The following DSCAM variants were observed in gnomAD, a reference collection of about 807,000 sequenced individuals.
DSCAM encodes DS cell adhesion molecule.
Under a neutral mutation model 217.7 loss-of-function variants are expected in DSCAM, and 47 were observed. The observed-to-expected ratio is 0.22, with a 90% CI of 0.17 to 0.28. DSCAM has a LOEUF of 0.28. DSCAM is among the 10% of genes least tolerant of loss of function. The pLI is 1.00. For synonymous variants in DSCAM, 1,056 were observed against 1,015.3 expected (o/e 1.04, Z -0.76); for missense variants, 2,080 against 2,618.3 (o/e 0.79, Z 4.49).
chr21:40,428,197 C>T (rs974004469), intron 3 of DSCAM, among the ~76,000 whole-genome samples: 2 of 151,362 alleles, frequency 1.3e-5, no homozygotes, highest in African/African-American at 2.4e-5. Context: ...CCAACAAAGG[C>T]GCTGGCCTCA....
chr21:40,661,011 T>C (rs2090133408), intron 3 of DSCAM, among the ~76,000 whole-genome samples: 1 of 152,162 alleles, frequency 6.6e-6, no homozygotes, highest in South Asian at 2.1e-4. Flanking sequence ...AAGGGCCTGT[T>C]TTGGACTCTG....
intron 3 of DSCAM, among the ~76,000 whole-genome samples, chr21:40,396,335 A>G (rs1355680429): frequency 6.6e-6 from 1 of 152,200 alleles, no homozygotes; most frequent in African/African-American, 2.4e-5. Context: ...CCAACTTCTG[A>G]GAAAATCCTA....
At chr21:40,296,714 C>T (rs573715884) in intron 9 of DSCAM, among the ~76,000 whole-genome samples, 4 of 151,516 alleles carry the variant, frequency 2.6e-5, no homozygotes, top group African/African-American at 4.9e-5. Flanking sequence ...GCCTGTAATC[C>T]TAGCTACTCA....
intron 3 of DSCAM, among the ~76,000 whole-genome samples, chr21:40,473,735 G>A (rs1235924644): frequency 6.6e-6 from 1 of 152,148 alleles, no homozygotes; most frequent in Non-Finnish European, 1.5e-5. Context: ...GTAAAGTGAG[G>A]TCATCAAGAT....
intron 1 of DSCAM, among the ~76,000 whole-genome samples, chr21:40,713,026 C>G (rs1214181636): frequency 6.6e-6 from 1 of 152,192 alleles, no homozygotes; most frequent in Non-Finnish European, 1.5e-5. Context: ...TCTCCTTGAT[C>G]AGGGGAAGCA....
intron 20 of DSCAM, among the ~76,000 whole-genome samples, chr21:40,100,340 C>G (rs1363336826): frequency 6.6e-6 from 1 of 152,126 alleles, no homozygotes; most frequent in Non-Finnish European, 1.5e-5. Flanking sequence ...AATGCTTGTT[C>G]TGAAAAGAAG....
chr21:40,336,572 G>C (rs2123580669), intron 8 of DSCAM, among the ~76,000 whole-genome samples: 1 of 152,268 alleles, frequency 6.6e-6, no homozygotes, highest in African/African-American at 2.4e-5. Context: ...AATCATGTGT[G>C]GGTAAAACAT....
At chr21:40,547,140 G>A (rs567379040) in intron 3 of DSCAM, among the ~76,000 whole-genome samples, 1 of 152,272 alleles carries the variant, frequency 6.6e-6, no homozygotes, top group South Asian at 2.1e-4. Flanking sequence ...GGGGAAGACA[G>A]CCCAGAGGCA....
chr21:40,642,340 G>A (rs980735159), intron 3 of DSCAM, among the ~76,000 whole-genome samples: 3 of 152,088 alleles, frequency 2.0e-5, no homozygotes, highest in Admixed American at 6.6e-5. Context: ...ACAGAGGCAC[G>A]ATAAGTATGT....
intron 16 of DSCAM, among the ~76,000 whole-genome samples, chr21:40,151,995 T>A (rs376235964): frequency 1.8e-4 from 27 of 152,308 alleles, no homozygotes; most frequent in Middle Eastern, 3.4e-3. Context: ...GCTCACTTAC[T>A]CAGCCAGCCG....
chr21:40,657,457 T>C (rs1393426343), intron 3 of DSCAM, among the ~76,000 whole-genome samples: 5 of 152,100 alleles, frequency 3.3e-5, no homozygotes, highest in Admixed American at 3.3e-4. Flanking sequence ...GCAACATTAG[T>C]GGGCTAGTTC....
intron 5 of DSCAM, among the ~76,000 whole-genome samples, chr21:40,352,467 G>C (rs910274399): frequency 6.6e-6 from 1 of 152,030 alleles, no homozygotes; most frequent in Non-Finnish European, 1.5e-5. Context: ...CAGATAGAGA[G>C]TCATTTGGAT....
intron 11 of DSCAM, among the ~76,000 whole-genome samples, chr21:40,257,482 A>G (rs2073389420): frequency 7.8e-6 from 1 of 127,810 alleles, no homozygotes; most frequent in Non-Finnish European, 1.5e-5. Flanking sequence ...ACACACACAC[A>G]CACACACACA....
chr21:40,412,057 TTCTC>T (rs969532197), intron 3 of DSCAM, among the ~76,000 whole-genome samples: 1 of 152,156 alleles, frequency 6.6e-6, no homozygotes, highest in African/African-American at 2.4e-5. Flanking sequence ...TTGGCATTCA[TTCTC>T]TCTTTGCCTG....
At chr21:40,146,159 G>A (rs2090354552) in intron 16 of DSCAM, among the ~76,000 whole-genome samples, 1 of 152,000 alleles carries the variant, frequency 6.6e-6, no homozygotes, top group Non-Finnish European at 1.5e-5. Context: ...ACTATGAAGT[G>A]TGGAAATGCA....
intron 3 of DSCAM, among the ~76,000 whole-genome samples, chr21:40,489,246 T>C (rs1158179245): frequency 6.6e-6 from 1 of 152,136 alleles, no homozygotes; most frequent in African/African-American, 2.4e-5. Context: ...CCTCATCCAA[T>C]CAGTTAAAGG....
At chr21:40,461,253 T>C (rs1166021878) in intron 3 of DSCAM, among the ~76,000 whole-genome samples, 2 of 152,210 alleles carry the variant, frequency 1.3e-5, no homozygotes, top group Non-Finnish European at 2.9e-5. Flanking sequence ...GAAACTGGTG[T>C]TTGCCTATGA....
At chr21:40,316,915 AGAG>A (rs1159188342) in intron 8 of DSCAM, among the ~76,000 whole-genome samples, 1 of 152,220 alleles carries the variant, frequency 6.6e-6, no homozygotes, top group Non-Finnish European at 1.5e-5. Flanking sequence ...GATTTCTCCT[AGAG>A]AAGAGGCGTA....
intron 29 of DSCAM, among the ~76,000 whole-genome samples, chr21:40,054,144 A>T (rs1851660988): frequency 6.6e-6 from 1 of 152,240 alleles, no homozygotes; most frequent in African/African-American, 2.4e-5. Context: ...GAAACAAAAG[A>T]GATTCCAGGT....
Sources: allele counts gnomAD v4.1 joint callset (sites outside exome capture counted in the v4.1 genomes callset), GRCh38; gene constraint gnomAD v4.1.1; transcripts MANE v1.5; gene names NCBI Gene and HGNC (gene_info 2026-07-23, HGNC 2026-07-21).